RNF111: variants seen among roughly 807,000 people sequenced by gnomAD.
The protein encoded by RNF111 is E3 ubiquitin-protein ligase Arkadia.
In RNF111, 17 loss-of-function variants were observed where a neutral mutation model predicts 95.1. That is an observed-to-expected ratio of 0.18 (90% CI 0.12 to 0.27). The LOEUF (loss-of-function observed/expected upper bound fraction) is 0.27. RNF111 is among the 10% of genes least tolerant of loss of function. The pLI is 1.00. For synonymous variants in RNF111, 440 were observed against 414.8 expected (o/e 1.06, Z -0.74); for missense variants, 1,189 against 1,210.4 (o/e 0.98, Z 0.26).
At chr15:59,012,324 TTC>T (rs2039865297) in intron 1 of RNF111, among the ~76,000 whole-genome samples, 1 of 152,174 alleles carries the variant, frequency 6.6e-6, no homozygotes, top group African/African-American at 2.4e-5. Flanking sequence ...TGGCCTGCTG[TTC>T]TGTCTTAATT....
Position 59,031,496 on chromosome 15 carries a change from C to T in RNF111, c.674C>T (p.Thr225Ile), listed in dbSNP as rs1316629400. 2 of 1,614,046 alleles carry T rather than the reference C, an allele frequency of 1.2e-6. No homozygotes were observed. Among genetic ancestry groups the T allele is most frequent in the East Asian group, 2.2e-5 (1 of 44,878 alleles). ...RFVKNNSSQR[T>I]QKQKERILMQ... ...GTAAAAAATAATTCCTCACAGAGGA[C>T]ACAGAAACAAAAAGAGAGGATATTA... The change falls in exon 2 of 14, where the codon ACA becomes ATA. Residue 225 changes from threonine (T) to isoleucine (I), a missense_variant. This residue lies in a region of RNF111 where 1,024 missense variants were observed against 925.9 expected (regional missense o/e 1.11). Transcript: ENST00000348370.
At chr15:59,072,985 A>G (rs1228158255) in intron 6 of RNF111, among the ~76,000 whole-genome samples, 1 of 152,052 alleles carries the variant, frequency 6.6e-6, no homozygotes, top group Non-Finnish European at 1.5e-5. Flanking sequence ...CAGTCTGGGC[A>G]ACATGGCAAG....
intron 1 of RNF111, among the ~76,000 whole-genome samples, chr15:59,027,044 G>A (rs1442201769): frequency 6.6e-6 from 1 of 152,108 alleles, no homozygotes; most frequent in Non-Finnish European, 1.5e-5. Flanking sequence ...AAAGAAATTG[G>A]GTTTAGTTAA....
chr15:58,991,074 T>C (rs2141349972), intron 1 of RNF111, among the ~76,000 whole-genome samples: 1 of 151,988 alleles, frequency 6.6e-6, no homozygotes, highest in South Asian at 2.1e-4. Context: ...GGCGGGTAGA[T>C]CATGAGGTCG....
At chr15:59,027,836 C>CTT (rs77391394) in intron 1 of RNF111, among the ~76,000 whole-genome samples, 5 of 139,374 alleles carry the variant, frequency 3.6e-5, no homozygotes, top group South Asian at 2.3e-4. Flanking sequence ...CCTGGCCCAC[C>CTT]TTTTTTTTTT....
intron 6 of RNF111, among the ~76,000 whole-genome samples, chr15:59,069,933 A>C (rs571113682): frequency 6.7e-6 from 1 of 148,750 alleles, no homozygotes; most frequent in Admixed American, 6.7e-5. Context: ...GTAGTCATGT[A>C]GATAGCCCTC....
intron 2 of RNF111, among the ~76,000 whole-genome samples, chr15:59,032,214 C>G (rs565317048): frequency 6.6e-6 from 1 of 152,190 alleles, no homozygotes; most frequent in East Asian, 1.9e-4. Flanking sequence ...GATGGGATTA[C>G]AGGCATGAGC....
chr15:59,087,367 T>G (rs1383929132), intron 10 of RNF111, among the ~76,000 whole-genome samples: 2 of 152,184 alleles, frequency 1.3e-5, no homozygotes, highest in Non-Finnish European at 2.9e-5. Context: ...AAAATACAGT[T>G]ACCACTTGAA....
At chr15:59,050,270 A>G (rs1385749323) in intron 2 of RNF111, 2 of 152,110 alleles carry the variant, frequency 1.3e-5, no homozygotes, top group African/African-American at 4.8e-5. Flanking sequence ...GATGTCTACA[A>G]CATCGCTTTT....
intron 1 of RNF111, among the ~76,000 whole-genome samples, chr15:59,002,748 T>C (rs60533405): frequency 0.024 from 3,683 of 152,284 alleles, 84 homozygotes; most frequent in African/African-American, 0.051. Flanking sequence ...CCCTGACTAC[T>C]TCTGATGTCA....
At position 59,097,239 on chromosome 15, in the gene RNF111, C is replaced by A. The variant is rs1280690977; in HGVS notation, c.*2339C>A. The A allele has an allele frequency of 2.0e-5, 3 of 152,188 alleles. No homozygotes were observed. Among genetic ancestry groups the A allele is most frequent in the African/African-American group, 7.2e-5 (3 of 41,426 alleles). The allele number at this position is 152,188 out of a possible 1,614,324, so 9.4% of individuals were successfully genotyped here. ...AAATGAACATTTCAGTGGTAGCTGTCCAAATACATAAAAACTAAAATTCTT... is the reference window on the plus strand; with the variant it reads ...AAATGAACATTTCAGTGGTAGCTGTACAAATACATAAAAACTAAAATTCTT... On this transcript the variant is annotated 3_prime_UTR_variant, in exon 14 of 14. Coordinates refer to ENST00000348370, the MANE Select transcript of RNF111 (RefSeq NM_017610.8).
At chr15:59,085,291 A>G (rs1424628314) in intron 9 of RNF111, among the ~76,000 whole-genome samples, 1 of 152,254 alleles carries the variant, frequency 6.6e-6, no homozygotes, top group Non-Finnish European at 1.5e-5. Flanking sequence ...AGCAAACAAA[A>G]ACCCAGAGAG....
At chr15:58,999,430 G>C (rs2039229512) in intron 1 of RNF111, among the ~76,000 whole-genome samples, 2 of 152,146 alleles carry the variant, frequency 1.3e-5, no homozygotes, top group South Asian at 4.1e-4. Flanking sequence ...CCGCCCCCCA[G>C]GTTCAAGCAA....
intron 7 of RNF111, among the ~76,000 whole-genome samples, chr15:59,077,142 G>A (rs2078588535): frequency 6.6e-6 from 1 of 152,030 alleles, no homozygotes; most frequent in African/African-American, 2.4e-5. Flanking sequence ...TTGACCAATG[G>A]GCCAATTCTT....
chr15:59,060,283 T>C (rs1191287117), intron 5 of RNF111, among the ~76,000 whole-genome samples: 1 of 152,000 alleles, frequency 6.6e-6, no homozygotes, highest in East Asian at 1.9e-4. Context: ...GTATCTTATA[T>C]GTTATTGTAT....
intron 2 of RNF111, among the ~76,000 whole-genome samples, chr15:59,033,792 G>T (rs1276915998): frequency 4.0e-5 from 6 of 151,548 alleles, no homozygotes; most frequent in Admixed American, 2.6e-4. Flanking sequence ...TTTTTTCATT[G>T]CCTTTCTTGG....
At chr15:59,089,590 T>G (rs1306625239) in intron 10 of RNF111, 77 bp from the exon 11 acceptor site, 2 of 1,141,530 alleles carry the variant, frequency 1.8e-6, no homozygotes, top group Admixed American at 1.7e-5. Context: ...ATTGAGGGTC[T>G]TGAATTATTC....
At chr15:59,061,446 C>G (rs1304440225) in intron 5 of RNF111, among the ~76,000 whole-genome samples, 1 of 152,226 alleles carries the variant, frequency 6.6e-6, no homozygotes, top group African/African-American at 2.4e-5. Flanking sequence ...TTGTCTTGAT[C>G]AGTTCCCTTT....
intron 1 of RNF111, among the ~76,000 whole-genome samples, chr15:59,018,193 A>G (rs1477004515): frequency 6.6e-6 from 1 of 152,234 alleles, no homozygotes; most frequent in Non-Finnish European, 1.5e-5. Flanking sequence ...ATTTGTAAAG[A>G]TGGGTTCAAA....
Sources: allele counts gnomAD v4.1 joint callset (sites outside exome capture counted in the v4.1 genomes callset), GRCh38; gene constraint gnomAD v4.1.1; regional missense constraint gnomAD v4.1.1; transcripts MANE v1.5; gene names NCBI Gene and HGNC (gene_info 2026-07-23, HGNC 2026-07-21).